Variants in ABCC1 observed in about 807,000 individuals in gnomAD.
ABCC1 encodes the protein ATP binding cassette subfamily C member 1 (ABCC1 blood group), also known as multidrug resistance-associated protein 1.
ABCC1 carries 83 observed loss-of-function variants against 172.9 expected under a neutral mutation model. The observed-to-expected ratio is 0.48, with a 90% CI of 0.40 to 0.58. The LOEUF is 0.58. ABCC1 is among the 20% of genes least tolerant of loss of function. The pLI is 0.00. For missense variants in ABCC1, 1,817 were observed against 2,002.7 expected (o/e 0.91, Z 1.77); for synonymous variants, 937 against 825.2 (o/e 1.14, Z -2.32).
chr16:16,074,486 C>T (rs1159133201), intron 14 of ABCC1, among the ~76,000 whole-genome samples: 1 of 152,176 alleles, frequency 6.6e-6, no homozygotes, highest in Non-Finnish European at 1.5e-5. Context: ...TTTCTTGGTA[C>T]TGAAGTTGTT....
rs1223639294 is a variant in ABCC1 at position 16,068,149 on chromosome 16, C to T, written c.1678-7C>T. ...ACAGCAGTCAGCACTGGGCGTTCTGCTTGCAGGTGGCCTTGTGCACATTTG... is the reference window on the plus strand; with the variant it reads ...ACAGCAGTCAGCACTGGGCGTTCTGTTTGCAGGTGGCCTTGTGCACATTTG... On this transcript the variant is annotated splice_region_variant and splice_polypyrimidine_tract_variant and intron_variant, in intron 12 of 30. Transcript: ENST00000399410. 1 of 1,614,034 alleles carries T rather than the reference C, an allele frequency of 6.2e-7. No homozygotes were observed. Among genetic ancestry groups the T allele is most frequent in the East Asian group, 2.2e-5 (1 of 44,874 alleles).
In ABCC1 at chr16:16,052,583, C is replaced by T. The variant is rs1567351811; in HGVS notation, c.1381-141C>T. 7 of 690,642 alleles carry T rather than the reference C, an allele frequency of 1.0e-5. No individual in the cohort carries two copies. The South Asian group carries it at 1.3e-4, about 13-fold the overall frequency. 42.8% of individuals were successfully genotyped at this position (690,642 alleles called of 1,614,324 possible). A position where few individuals can be genotyped will look rare whatever the true frequency, so the allele number is the denominator to read the frequency against. ...GAATGAAACCACAGGCTCTTAACAC[C>T]CTATTGTGGGGTAAAAGTAACACAC... On this transcript the variant is annotated intron_variant, in intron 10 of 30. Transcript: ENST00000399410.
At chr16:16,124,339 G>GTGTGTA (rs1555502566) in intron 24 of ABCC1, among the ~76,000 whole-genome samples, 1 of 134,508 alleles carries the variant, frequency 7.4e-6, no homozygotes, top group Non-Finnish European at 1.6e-5. Context: ...GTGTGTGTGT[G>GTGTGTA]TGTGTGTGTG....
chr16:16,016,183 T>G (rs2047988984), intron 4 of ABCC1, among the ~76,000 whole-genome samples: 2 of 147,256 alleles, frequency 1.4e-5, no homozygotes, highest in East Asian at 2.0e-4. Flanking sequence ...AGATGGAGTT[T>G]TGCTCTGTCA....
rs141465476 is a variant in ABCC1 at position 16,132,598 on chromosome 16, T to A, written c.3966+663T>A. On this transcript the variant is annotated intron_variant, in intron 27 of 30. Transcript: ENST00000399410. ...GTGCAGGGGCCCGATCTCAGCTCAC[T>A]GCAACTTCTGCCTCCTGGGTTCAAG... Among the ~76,000 whole-genome samples the A allele has an allele frequency of 2.2e-5, 3 of 135,014 alleles. No homozygotes were observed. The East Asian group carries it at 7.7e-4, about 35-fold the overall frequency. 88.6% of individuals were successfully genotyped at this position (135,014 alleles called of 152,430 possible). A position where few individuals can be genotyped will look rare whatever the true frequency, so the allele number is the denominator to read the frequency against.
intron 20 of ABCC1, among the ~76,000 whole-genome samples, chr16:16,103,957 C>T (rs932061918): frequency 3.9e-5 from 6 of 152,134 alleles, no homozygotes; most frequent in East Asian, 3.9e-4. Flanking sequence ...GAGTTTCTTC[C>T]TTCTGGTGGG....
At chr16:16,135,683 T>C (rs946498190) in intron 28 of ABCC1, among the ~76,000 whole-genome samples, 1 of 152,170 alleles carries the variant, frequency 6.6e-6, no homozygotes, top group Non-Finnish European at 1.5e-5. Flanking sequence ...CTCAAACTCC[T>C]GACCTCGAGT....
intron 1 of ABCC1, among the ~76,000 whole-genome samples, chr16:15,997,970 T>G (rs988786865): frequency 4.0e-5 from 6 of 151,566 alleles, no homozygotes; most frequent in Non-Finnish European, 7.4e-5. Context: ...TTTGCCACCA[T>G]GGCTGGCTAA....
At chr16:16,048,798 A>C (rs1199479558) in intron 10 of ABCC1, among the ~76,000 whole-genome samples, 5 of 152,180 alleles carry the variant, frequency 3.3e-5, no homozygotes, top group Non-Finnish European at 5.9e-5. Flanking sequence ...ACCAGCCTCA[A>C]CGTGGAGAAA....
At chr16:16,114,644 C>T (rs1000522096) in intron 22 of ABCC1, 122 bp from the exon 23 acceptor site, 11 of 922,188 alleles carry the variant, frequency 1.2e-5, no homozygotes, top group African/African-American at 6.7e-5. Flanking sequence ...CCTGGTTCAT[C>T]ATTATTATTA....
chr16:16,033,074 C>A, intron 5 of ABCC1, 35 bp from the exon 6 acceptor site: 1 of 1,604,602 alleles, frequency 6.2e-7, no homozygotes, highest in Non-Finnish European at 8.5e-7. Flanking sequence ...ATTCCTTTCC[C>A]TCTTCCTCCC....
chr16:16,039,976 A>AG (rs2048910331), intron 7 of ABCC1, among the ~76,000 whole-genome samples: 1 of 152,110 alleles, frequency 6.6e-6, no homozygotes, highest in South Asian at 2.1e-4. Flanking sequence ...CTGAGAGTTA[A>AG]GGTGGGATTC....
At chr16:16,068,376 C>T in intron 13 of ABCC1, 74 bp downstream of exon 13, 1 of 1,552,752 alleles carries the variant, frequency 6.4e-7, no homozygotes, top group Non-Finnish European at 8.8e-7. Flanking sequence ...GGAAGTGCCC[C>T]CGAGCGCAGC....
chr16:16,116,412 T>G (rs1173569468), intron 23 of ABCC1, among the ~76,000 whole-genome samples: 1 of 152,166 alleles, frequency 6.6e-6, no homozygotes, highest in Non-Finnish European at 1.5e-5. Context: ...GAATCCTACA[T>G]ATCCTGTTTT....
rs1469430941 is a variant in ABCC1, at chr16:16,033,012, G to T, written c.616-97G>T. 4 of 1,191,488 alleles carry T rather than the reference G, an allele frequency of 3.4e-6. No individual in the cohort carries two copies. In the Admixed American group the frequency reaches 5.2e-5, roughly 16 times the overall value. 73.8% of individuals were successfully genotyped at this position (1,191,488 alleles called of 1,614,324 possible). ...GCTGACGCTAGTCCTCTGGAAGGAA[G>T]AGTGAGCAGCTGACTACTTGCTAAG... On this transcript the variant is annotated intron_variant, in intron 5 of 30. Coordinates refer to ENST00000399410, the MANE Select transcript of ABCC1 (RefSeq NM_004996.4).
chr16:16,080,519 A>G (rs902974273), intron 16 of ABCC1, among the ~76,000 whole-genome samples: 8 of 152,138 alleles, frequency 5.3e-5, no homozygotes, highest in African/African-American at 1.7e-4. Flanking sequence ...TTCACTCCCC[A>G]TGAAGGCCTT....
chr16:16,045,940 A>G lies in ABCC1; in HGVS notation c.1145A>G (p.His382Arg), dbSNP rs1274103271. The part of the protein sequence containing the change: ...VTACLQTLVL[H>R]QYFHICFVSG... ...GCCTGCCTGCAGACCCTCGTGCTGC[A>G]CCAGTACTTCCACATCTGCTTCGTC... The change falls in exon 9 of 31, where the codon CAC (histidine) becomes CGC (arginine). Residue 382 changes from histidine (H) to arginine (R), a missense_variant. This residue lies in a region of ABCC1 where 1,412 missense variants were observed against 1,600.3 expected (regional missense o/e 0.88). Transcript: ENST00000399410. The G allele has an allele frequency of 6.2e-7, 1 of 1,614,180 alleles. No homozygotes were observed. Among genetic ancestry groups the G allele is most frequent in the Non-Finnish European group, 8.5e-7 (1 of 1,180,044 alleles).
At chr16:16,069,046 G>T (rs1378215403) in intron 13 of ABCC1, among the ~76,000 whole-genome samples, 2 of 149,894 alleles carry the variant, frequency 1.3e-5, no homozygotes, top group Admixed American at 1.3e-4. Context: ...GATGGTACAT[G>T]CCTGTAATCC....
At chr16:16,135,441 TTC>T (rs2045883025) in intron 28 of ABCC1, among the ~76,000 whole-genome samples, 1 of 152,096 alleles carries the variant, frequency 6.6e-6, no homozygotes, top group Non-Finnish European at 1.5e-5. Context: ...AATAAGGATT[TTC>T]TTTTTCTTTC....
Sources: allele counts gnomAD v4.1 joint callset (sites outside exome capture counted in the v4.1 genomes callset), GRCh38; gene constraint gnomAD v4.1.1; regional missense constraint gnomAD v4.1.1; transcripts MANE v1.5; gene names NCBI Gene and HGNC (gene_info 2026-07-23, HGNC 2026-07-21).